The following TTC7B variants were observed in gnomAD, a reference collection of about 807,000 sequenced individuals.
TTC7B encodes tetratricopeptide repeat protein 7B.
TTC7B carries 28 observed loss-of-function variants against 106.8 expected under a neutral mutation model. That is an observed-to-expected ratio of 0.26 (90% CI 0.19 to 0.36). The LOEUF (loss-of-function observed/expected upper bound fraction) is 0.36. Ranked by LOEUF, TTC7B falls within the 10% of genes least tolerant of loss-of-function variation. The pLI, the probability that TTC7B is intolerant of heterozygous loss-of-function variation, is 1.00. For missense variants in TTC7B, 862 were observed against 1,076.4 expected (o/e 0.80, Z 2.79); for synonymous variants, 405 against 430.6 (o/e 0.94, Z 0.74).
At chr14:90,792,329 C>T (rs993905639) in intron 1 of TTC7B, among the ~76,000 whole-genome samples, 3 of 152,122 alleles carry the variant, frequency 2.0e-5, no homozygotes, top group Non-Finnish European at 4.4e-5. Flanking sequence ...GTAATCTCAG[C>T]ACTTTGGGAG....
At chr14:90,639,861 G>A (rs996699397) in intron 15 of TTC7B, among the ~76,000 whole-genome samples, 6 of 152,294 alleles carry the variant, frequency 3.9e-5, no homozygotes, top group East Asian at 1.9e-4. Context: ...TCACTGCTGC[G>A]TGCAACAAGG....
chr14:90,698,317 G>A (rs565808566), intron 5 of TTC7B: 35 of 152,282 alleles, frequency 2.3e-4, no homozygotes, highest in African/African-American at 7.9e-4. Context: ...CAATTTGAGA[G>A]AGGCAAACAA....
intron 5 of TTC7B, among the ~76,000 whole-genome samples, chr14:90,716,908 G>A (rs944657286): frequency 2.0e-4 from 30 of 152,136 alleles, no homozygotes; most frequent in Non-Finnish European, 8.8e-5. Context: ...GGAGGCAGAA[G>A]GAGGAAGAGC....
chr14:90,580,391 G>A (rs1010243125), intron 18 of TTC7B, among the ~76,000 whole-genome samples: 28 of 152,172 alleles, frequency 1.8e-4, no homozygotes, highest in Admixed American at 7.9e-4. Flanking sequence ...TGCAGAAAGC[G>A]TGAACACCCT....
rs1472595171 is a variant in TTC7B at position 90,605,845 on chromosome 14, C to G, written c.1966+4897G>C. 4.1e-6 allele frequency: 4 copies of G among 981,842 alleles called. No homozygotes were observed. In the East Asian group the frequency reaches 2.7e-4, roughly 67 times the overall value. 60.8% of individuals were successfully genotyped at this position (981,842 alleles called of 1,614,324 possible). A position where few individuals can be genotyped will look rare whatever the true frequency, so the allele number is the denominator to read the frequency against. Reference sequence around the variant, plus strand: ...AAAAAATAAACTCGCTTTTAATATACTCACATAAGCTGCAAAGAAAATGAG... The same window carrying G: ...AAAAAATAAACTCGCTTTTAATATAGTCACATAAGCTGCAAAGAAAATGAG... On this transcript the variant is annotated intron_variant, in intron 17 of 19. Transcript: ENST00000328459.
intron 7 of TTC7B, among the ~76,000 whole-genome samples, chr14:90,685,053 T>C (rs927266133): frequency 6.6e-6 from 1 of 152,180 alleles, no homozygotes; most frequent in South Asian, 2.1e-4. Context: ...GAGCATCCTG[T>C]ATGCATTTCA....
At chr14:90,687,636 C>T (rs561113012) in intron 7 of TTC7B, among the ~76,000 whole-genome samples, 10 of 152,164 alleles carry the variant, frequency 6.6e-5, no homozygotes, top group Admixed American at 2.0e-4. Flanking sequence ...AAAAATGAAC[C>T]CCAAACCTGC....
chr14:90,586,565 C>T (rs947769374), intron 18 of TTC7B, among the ~76,000 whole-genome samples: 18 of 152,220 alleles, frequency 1.2e-4, no homozygotes, highest in East Asian at 1.9e-4. Flanking sequence ...CCACTGCACC[C>T]GGCTGTTCCC....
intron 17 of TTC7B, among the ~76,000 whole-genome samples, chr14:90,601,527 C>T (rs1892422876): frequency 6.6e-6 from 1 of 152,190 alleles, no homozygotes; most frequent in Admixed American, 6.5e-5. Flanking sequence ...TCACTAGAAT[C>T]AGTGATAGGA....
At chr14:90,592,730 C>T (rs1177286429) in intron 18 of TTC7B, among the ~76,000 whole-genome samples, 3 of 150,992 alleles carry the variant, frequency 2.0e-5, no homozygotes, top group African/African-American at 7.3e-5. Context: ...AAAGCCTGGA[C>T]ACTGCATTTA....
At chr14:90,751,436 C>G (rs1267088104) in intron 3 of TTC7B, among the ~76,000 whole-genome samples, 1 of 152,180 alleles carries the variant, frequency 6.6e-6, no homozygotes, top group South Asian at 2.1e-4. Flanking sequence ...ACTCTGTCTA[C>G]CAGGCTGCAG....
chr14:90,758,323 C>T (rs1452339181), intron 3 of TTC7B, among the ~76,000 whole-genome samples: 3 of 117,578 alleles, frequency 2.6e-5, no homozygotes, highest in East Asian at 5.7e-4. Context: ...GGCTCCAGGA[C>T]GGCGGGGCGG....
intron 4 of TTC7B, among the ~76,000 whole-genome samples, chr14:90,736,301 C>T (rs527361860): frequency 1.1e-4 from 17 of 151,784 alleles, no homozygotes; most frequent in Admixed American, 2.6e-4. Flanking sequence ...GGGAGGAGGT[C>T]GGGTGCAGTG....
intron 5 of TTC7B, among the ~76,000 whole-genome samples, chr14:90,702,308 C>A (rs991642240): frequency 6.6e-6 from 1 of 152,126 alleles, no homozygotes; most frequent in Non-Finnish European, 1.5e-5. Context: ...GGTAACTGTA[C>A]CCACCTCACT....
intron 1 of TTC7B, among the ~76,000 whole-genome samples, chr14:90,789,096 T>A (rs973202351): frequency 6.6e-6 from 1 of 152,098 alleles, no homozygotes; most frequent in Non-Finnish European, 1.5e-5. Context: ...AATTTAAAAA[T>A]TTTGTTTTGT....
At chr14:90,682,853 C>T (rs973513773) in intron 7 of TTC7B, among the ~76,000 whole-genome samples, 15 of 152,194 alleles carry the variant, frequency 9.9e-5, no homozygotes, top group African/African-American at 3.6e-4. Flanking sequence ...TCGTCCCAGC[C>T]ATGCCACCAA....
chr14:90,558,407 C>T (rs897580575), intron 19 of TTC7B, among the ~76,000 whole-genome samples: 3 of 152,272 alleles, frequency 2.0e-5, no homozygotes, highest in Non-Finnish European at 4.4e-5. Flanking sequence ...CCACCCCGGG[C>T]GCTGCTCTGC....
In TTC7B at chr14:90,644,076, C is replaced by T; in HGVS notation, c.1723G>A (p.Ala575Thr). 1 of 1,614,038 alleles carries T rather than the reference C, an allele frequency of 6.2e-7. No individual in the cohort carries two copies. The highest frequency in any genetic ancestry group is 8.5e-7 in the Non-Finnish European group (1 of 1,180,004). ...YHDALNIIDMALSEYPENFIL... is the reference protein window; with the variant it reads ...YHDALNIIDMTLSEYPENFIL... ...AAATTTTCTGGGTATTCACTCAGGGCCATGTCGATGATGTTCAGAGCGTCA... is the reference window on the plus strand; with the variant it reads ...AAATTTTCTGGGTATTCACTCAGGGTCATGTCGATGATGTTCAGAGCGTCA... Residue 575 changes from alanine to threonine, a missense_variant, in exon 15 of 20, where the codon GCC (alanine) becomes ACC (threonine). Transcript: ENST00000328459.
chr14:90,745,330 A>C (rs536668386), intron 3 of TTC7B, among the ~76,000 whole-genome samples: 141 of 151,894 alleles, frequency 9.3e-4, no homozygotes, highest in Non-Finnish European at 1.8e-3. Context: ...AAGAAGAAGA[A>C]GAAGTGGTGA....
Sources: gnomAD v4.1 joint callset for allele counts (sites outside exome capture counted in the v4.1 genomes callset) on GRCh38, gnomAD v4.1.1 for gene constraint, MANE v1.5 for transcripts, NCBI Gene and HGNC (gene_info 2026-07-23, HGNC 2026-07-21) for gene names.